Variants in SLC40A1 observed in about 807,000 individuals in gnomAD.
The protein encoded by SLC40A1 is solute carrier family 40 member 1.
Under a neutral mutation model 53.5 loss-of-function variants are expected in SLC40A1, and 16 were observed. That is an observed-to-expected ratio of 0.30 (90% CI 0.20 to 0.45). The LOEUF (loss-of-function observed/expected upper bound fraction) is 0.45. Among genes scored for constraint, SLC40A1 ranks in the 20% least tolerant of loss-of-function variants. The pLI, the probability that SLC40A1 is intolerant of heterozygous loss-of-function variation, is 1.00. For missense variants in SLC40A1, 545 were observed against 695.4 expected, an observed-to-expected ratio of 0.78 and a Z score of 2.43; for synonymous variants, 247 against 253.2, an observed-to-expected ratio of 0.98 and a Z score of 0.23.
chr2:189,567,765 T>C (rs1025119467), intron 5 of SLC40A1, among the ~76,000 whole-genome samples: 1 of 152,196 alleles, frequency 6.6e-6, no homozygotes, highest in Non-Finnish European at 1.5e-5. Flanking sequence ...CAGGAGAACT[T>C]TGACATATTT....
chr2:189,573,900 G>C (rs996150672), intron 3 of SLC40A1, among the ~76,000 whole-genome samples: 1 of 152,200 alleles, frequency 6.6e-6, no homozygotes, highest in Non-Finnish European at 1.5e-5. Context: ...ATTCACTCAT[G>C]CATTCATTCA....
intron 5 of SLC40A1, among the ~76,000 whole-genome samples, chr2:189,569,782 T>G (rs2031063174): frequency 6.6e-6 from 1 of 152,072 alleles, no homozygotes; most frequent in Non-Finnish European, 1.5e-5. Flanking sequence ...TTGAAAAACA[T>G]CAGAAAGTTA....
Position 189,580,483 on chromosome 2 carries a change from T to C in SLC40A1, c.-23A>G, listed in dbSNP as rs114904726. ...CATGACACTAGGCGACCCCGCTGGC[T>C]CTTCTGCGGCTGCTATCGCTGCTGC... On this transcript the variant is annotated 5_prime_UTR_variant, in exon 1 of 8. Coordinates refer to ENST00000261024, the MANE Select transcript of SLC40A1 (RefSeq NM_014585.6). The C allele has an allele frequency of 1.2e-3, 1,989 of 1,613,070 alleles. 30 individuals carry two copies. In the African/African-American group the frequency reaches 0.024, roughly 20 times the overall value.
At position 189,580,587 on chromosome 2, in the gene SLC40A1, A is replaced by G. The variant is rs1427542044; in HGVS notation, c.-127T>C. ...TCTAAAAACACAACAGCCTTGGGCA[A>G]AAAGACTACAACGACGACTTTGGCA... On this transcript the variant is annotated 5_prime_UTR_variant, in exon 1 of 8. Transcript: ENST00000261024. 1.3e-6 allele frequency: 2 copies of G among 1,580,556 alleles called. No homozygotes were observed. The highest frequency in any genetic ancestry group is 2.3e-5 in the East Asian group (1 of 43,926).
intron 3 of SLC40A1, among the ~76,000 whole-genome samples, chr2:189,574,445 A>G (rs2031229527): frequency 6.6e-6 from 1 of 152,174 alleles, no homozygotes; most frequent in African/African-American, 2.4e-5. Context: ...GAAAGAATGA[A>G]ACCTCAGTCT....
Position 189,563,798 on chromosome 2 carries a change from G to A in SLC40A1, c.1188C>T (p.Ser396=). The change falls in exon 7 of 8, where the codon AGC becomes AGT. Residue 396 remains serine (S), a synonymous_variant. Transcript: ENST00000261024. The part of the protein sequence containing the change: ...LCVISVFMPG[S]PLDLSVSPFE... ...AAGGAGAAACGGACAAGTCCAGGGG[G>A]CTTCCAGGCATGAATACAGAGATCA... The A allele has an allele frequency of 1.9e-6, 3 of 1,614,186 alleles. No individual in the cohort carries two copies. The highest frequency in any genetic ancestry group is 8.5e-7 in the Non-Finnish European group (1 of 1,180,026).
At chr2:189,579,037 A>G (rs2031379031) in intron 2 of SLC40A1, among the ~76,000 whole-genome samples, 1 of 152,226 alleles carries the variant, frequency 6.6e-6, no homozygotes, top group Non-Finnish European at 1.5e-5. Flanking sequence ...CTTTTAAACA[A>G]TAATTGTTTA....
chr2:189,566,597 G>A (rs1461432924), intron 5 of SLC40A1, among the ~76,000 whole-genome samples: 2 of 152,304 alleles, frequency 1.3e-5, no homozygotes, highest in East Asian at 1.9e-4. Flanking sequence ...TGAATCTACC[G>A]CATAACTGAA....
At position 189,562,043 on chromosome 2, in the gene SLC40A1, A is replaced by G; in HGVS notation, c.1551T>C (p.Pro517=). The G allele has an allele frequency of 6.2e-7, 1 of 1,614,154 alleles. No individual in the cohort carries two copies. Among genetic ancestry groups the G allele is most frequent in the Non-Finnish European group, 8.5e-7 (1 of 1,179,990 alleles). ...HFIMVILAPN[P]EAFGLLVLIS... ...TCAATACGAGCAAGCCAAAAGCTTCAGGATTTGGAGCCAGGATGACCATGA... is the reference window on the plus strand; with the variant it reads ...TCAATACGAGCAAGCCAAAAGCTTCGGGATTTGGAGCCAGGATGACCATGA... Residue 517 remains proline, a synonymous_variant, in exon 8 of 8, where the codon CCT becomes CCC. Coordinates refer to ENST00000261024, the MANE Select transcript of SLC40A1 (RefSeq NM_014585.6).
At chr2:189,562,966 G>A (rs2030801987) in intron 7 of SLC40A1, among the ~76,000 whole-genome samples, 1 of 151,430 alleles carries the variant, frequency 6.6e-6, no homozygotes. Flanking sequence ...TTTTGTTAAG[G>A]TTATTGCAAT....
chr2:189,565,657 C>T, intron 5 of SLC40A1, 58 bp from the exon 6 acceptor site: 2 of 1,605,830 alleles, frequency 1.2e-6, no homozygotes, highest in South Asian at 2.2e-5. Flanking sequence ...GAGAGACTGC[C>T]CATTTACACA....
At chr2:189,565,694 G>T in intron 5 of SLC40A1, 95 bp from the exon 6 acceptor site, 1 of 1,525,236 alleles carries the variant, frequency 6.6e-7, no homozygotes, top group African/African-American at 1.4e-5. Flanking sequence ...CAAGAGTATA[G>T]ATTCCTAAAA....
chr2:189,571,935 G>A, intron 4 of SLC40A1, 94 bp from the exon 5 acceptor site: 1 of 831,662 alleles, frequency 1.2e-6, no homozygotes, highest in South Asian at 1.4e-5. Context: ...GTCTTTGGTG[G>A]AATGATAAAA....
rs746141808 is a variant in SLC40A1 at position 189,580,498 on chromosome 2, A to C, written c.-38T>G. The C allele has an allele frequency of 2.4e-5, 39 of 1,612,270 alleles. No homozygotes were observed. Among genetic ancestry groups the C allele is most frequent in the Non-Finnish European group, 2.9e-5 (34 of 1,179,994 alleles). On this transcript the variant is annotated 5_prime_UTR_variant, in exon 1 of 8. Transcript: ENST00000261024. ...CCCCGCTGGCTCTTCTGCGGCTGCT[A>C]TCGCTGCTGCTGCTCTCGCTGAGGT...
intron 4 of SLC40A1, 54 bp from the exon 5 acceptor site, chr2:189,571,895 A>T: frequency 9.0e-7 from 1 of 1,113,648 alleles, no homozygotes; most frequent in African/African-American, 1.5e-5. Context: ...CACACTGTAC[A>T]TATGTCACTA....
chr2:189,567,644 C>T (rs1001203382), intron 5 of SLC40A1, among the ~76,000 whole-genome samples: 1 of 152,178 alleles, frequency 6.6e-6, no homozygotes, highest in African/African-American at 2.4e-5. Flanking sequence ...AAAAACAATA[C>T]GTGACGAAGA....
At chr2:189,576,445 G>T (rs934016674) in intron 2 of SLC40A1, among the ~76,000 whole-genome samples, 3 of 152,102 alleles carry the variant, frequency 2.0e-5, no homozygotes, top group Non-Finnish European at 4.4e-5. Flanking sequence ...AACTTAAATT[G>T]ATGCATGTTA....
chr2:189,579,173 G>C (rs1316126430), intron 2 of SLC40A1, among the ~76,000 whole-genome samples: 1 of 152,192 alleles, frequency 6.6e-6, no homozygotes, highest in Non-Finnish European at 1.5e-5. Flanking sequence ...AACCTAGAAA[G>C]TCAGAGGGAA....
intron 5 of SLC40A1, among the ~76,000 whole-genome samples, chr2:189,570,080 C>CTA (rs2031079561): frequency 6.8e-6 from 1 of 147,194 alleles, no homozygotes; most frequent in Non-Finnish European, 1.5e-5. Context: ...ATATACACAT[C>CTA]TATATATATG....
Sources: gnomAD v4.1 joint callset for allele counts (sites outside exome capture counted in the v4.1 genomes callset) on GRCh38, gnomAD v4.1.1 for gene constraint, MANE v1.5 for transcripts, NCBI Gene and HGNC (gene_info 2026-07-23, HGNC 2026-07-21) for gene names.